PALLD: variants seen among roughly 807,000 people sequenced by gnomAD.
The protein encoded by PALLD is palladin, cytoskeletal associated protein, also known as palladin.
In PALLD, 61 loss-of-function variants were observed where a neutral mutation model predicts 123.5. That is an observed-to-expected ratio of 0.49 (90% CI 0.40 to 0.61). PALLD has a LOEUF of 0.61. PALLD is among the 20% of genes least tolerant of loss of function. PALLD has a pLI of 0.00. For synonymous variants in PALLD, 465 were observed against 496.4 expected, an observed-to-expected ratio of 0.94 and a Z score of 0.84; for missense variants, 1,273 against 1,377.0, an observed-to-expected ratio of 0.92 and a Z score of 1.20.
At chr4:168,577,020 C>T (rs980677035) in intron 2 of PALLD, among the ~76,000 whole-genome samples, 1 of 151,982 alleles carries the variant, frequency 6.6e-6, no homozygotes, top group African/African-American at 2.4e-5. Flanking sequence ...AAACTTCAAC[C>T]GAATTAAATT....
chr4:168,904,056 A>G, intron 15 of PALLD, 150 bp downstream of exon 15: 2 of 746,256 alleles, frequency 2.7e-6, no homozygotes, highest in South Asian at 1.6e-5. Flanking sequence ...TTGGTTTCAG[A>G]GGATAGAAAA....
Position 168,808,343 on chromosome 4 carries a change from G to A in PALLD, c.1965-82579G>A, listed in dbSNP as rs1311933767. Among the ~76,000 whole-genome samples, 4 of 151,836 alleles carry A rather than the reference G, an allele frequency of 2.6e-5. No homozygotes were observed. The East Asian group carries it at 7.8e-4, about 30-fold the overall frequency. ...AAAATACAAAAAATTAGCCAGGCATGGTGACGTGTACCTGTAGTCCCAGCT... is the reference window on the plus strand; with the variant it reads ...AAAATACAAAAAATTAGCCAGGCATAGTGACGTGTACCTGTAGTCCCAGCT... On this transcript the variant is annotated intron_variant, in intron 10 of 21. Coordinates refer to ENST00000505667, the MANE Select transcript of PALLD (RefSeq NM_001166108.2).
chr4:168,523,316 C>T (rs1040023227), intron 2 of PALLD, among the ~76,000 whole-genome samples: 2 of 151,812 alleles, frequency 1.3e-5, no homozygotes, highest in African/African-American at 2.4e-5. Context: ...AAAGAAAACT[C>T]TCATCTGAAG....
chr4:168,718,316 G>T (rs1279929508), intron 10 of PALLD, among the ~76,000 whole-genome samples: 2 of 152,080 alleles, frequency 1.3e-5, no homozygotes, highest in Non-Finnish European at 2.9e-5. Flanking sequence ...AAACAAAAAG[G>T]ACAAAGACAA....
chr4:168,572,713 C>G (rs903489800), intron 2 of PALLD, among the ~76,000 whole-genome samples: 2 of 151,838 alleles, frequency 1.3e-5, no homozygotes, highest in African/African-American at 2.4e-5. Flanking sequence ...ATCAGCAGGT[C>G]CCATTGGCAA....
intron 3 of PALLD, among the ~76,000 whole-genome samples, chr4:168,677,266 G>A (rs904878486): frequency 3.3e-5 from 5 of 152,002 alleles, no homozygotes; most frequent in Non-Finnish European, 2.9e-5. Context: ...GCCCTGAGGG[G>A]AAGGCAGGGA....
chr4:168,538,633 C>A (rs1765314475), intron 2 of PALLD, among the ~76,000 whole-genome samples: 2 of 152,052 alleles, frequency 1.3e-5, no homozygotes, highest in Non-Finnish European at 2.9e-5. Context: ...TAAAATAAAT[C>A]TTGGTTTCTT....
Position 168,656,588 on chromosome 4 carries a change from C to A in PALLD, c.909-11602C>A, listed in dbSNP as rs574755154. 2.0e-5 allele frequency among the ~76,000 whole-genome samples: 3 copies of A among 152,236 alleles called. No individual in the cohort carries two copies. In the South Asian group the frequency reaches 6.2e-4, roughly 32 times the overall value. The stretch of plus-strand genomic sequence containing the variant: ...ATGAGCTGTAAGTAGGACAACTGCC[C>A]ATCCTAGTTTACCCGAAACAGTTAT... On this transcript the variant is annotated intron_variant, in intron 2 of 21. Transcript: ENST00000505667.
At chr4:168,615,173 A>AC (rs1774104903) in intron 2 of PALLD, among the ~76,000 whole-genome samples, 1 of 151,840 alleles carries the variant, frequency 6.6e-6, no homozygotes, top group African/African-American at 2.4e-5. Context: ...AAAAAAAAAA[A>AC]AACTTTATAA....
At chr4:168,753,432 G>A (rs1019582015) in intron 10 of PALLD, among the ~76,000 whole-genome samples, 1 of 151,360 alleles carries the variant, frequency 6.6e-6, no homozygotes, top group Non-Finnish European at 1.5e-5. Context: ...TGAGTTGGGA[G>A]GGATTTGAGA....
At chr4:168,701,768 G>A (rs1400708407) in intron 8 of PALLD, among the ~76,000 whole-genome samples, 1 of 152,146 alleles carries the variant, frequency 6.6e-6, no homozygotes, top group East Asian at 1.9e-4. Flanking sequence ...GTGCTTCCCA[G>A]AGAGCACTAA....
chr4:168,724,123 G>A (rs1786307664), intron 10 of PALLD, among the ~76,000 whole-genome samples: 1 of 152,070 alleles, frequency 6.6e-6, no homozygotes, highest in South Asian at 2.1e-4. Context: ...TTGATCTCTT[G>A]ACCTCGTGTT....
intron 17 of PALLD, 61 bp from the exon 18 acceptor site, chr4:168,921,473 C>A: frequency 9.2e-7 from 1 of 1,088,016 alleles, no homozygotes; most frequent in Non-Finnish European, 1.4e-6. Context: ...GACTTCTTAG[C>A]TACCAGTGAT....
chr4:168,742,951 T>G (rs1393974799), intron 10 of PALLD, among the ~76,000 whole-genome samples: 1 of 152,194 alleles, frequency 6.6e-6, no homozygotes, highest in Non-Finnish European at 1.5e-5. Flanking sequence ...ATTCCTGGCC[T>G]TCCTCCTGCT....
At chr4:168,817,682 T>G (rs1742170327) in intron 10 of PALLD, among the ~76,000 whole-genome samples, 1 of 152,192 alleles carries the variant, frequency 6.6e-6, no homozygotes, top group Non-Finnish European at 1.5e-5. Context: ...GGAAGGAGAA[T>G]TTCAGATACT....
chr4:168,908,078 A>C lies in PALLD; in HGVS notation c.2622+4172A>C, dbSNP rs148173422. On this transcript the variant is annotated intron_variant, in intron 15 of 21. Transcript: ENST00000505667. ...ATCCCACTGAAATTGCTGTGAGAGA[A>C]TTTTGATATTTATGCCACTTAGCAG... is the stretch of plus-strand genomic sequence containing the variant. Among the ~76,000 whole-genome samples the C allele has an allele frequency of 4.9e-3, 746 of 152,320 alleles. 8 individuals are homozygous for C. Among genetic ancestry groups the C allele is most frequent in the Admixed American group, 5.6e-3 (85 of 15,306 alleles).
intron 10 of PALLD, among the ~76,000 whole-genome samples, chr4:168,849,458 AGT>A (rs1747415502): frequency 6.6e-6 from 1 of 152,246 alleles, no homozygotes; most frequent in South Asian, 2.1e-4. Flanking sequence ...AGGAAGAGAC[AGT>A]GTATATTTTG....
intron 2 of PALLD, among the ~76,000 whole-genome samples, chr4:168,534,821 A>T (rs892769650): frequency 1.3e-5 from 2 of 152,182 alleles, no homozygotes; most frequent in Non-Finnish European, 2.9e-5. Flanking sequence ...CAGTTTACAT[A>T]ATAGGTTATC....
intron 2 of PALLD, among the ~76,000 whole-genome samples, chr4:168,665,848 GA>G (rs1486444264): frequency 2.6e-5 from 4 of 152,156 alleles, no homozygotes; most frequent in Non-Finnish European, 5.9e-5. Flanking sequence ...TAAAGATCCA[GA>G]TACTACATAA....
Sources: allele counts gnomAD v4.1 joint callset (sites outside exome capture counted in the v4.1 genomes callset), GRCh38; gene constraint gnomAD v4.1.1; transcripts MANE v1.5; gene names NCBI Gene and HGNC (gene_info 2026-07-23, HGNC 2026-07-21).